The following AKT3 variants were observed in gnomAD, a reference collection of about 807,000 sequenced individuals.
The protein encoded by AKT3 is AKT serine/threonine kinase 3, also known as RAC-gamma serine/threonine-protein kinase.
In AKT3, 15 loss-of-function variants were observed where a neutral mutation model predicts 65.3. The ratio of observed to expected loss-of-function variants is 0.23; its 90% CI spans 0.15 to 0.35. AKT3 has a LOEUF of 0.35. AKT3 is among the 10% of genes least tolerant of loss of function. AKT3 has a pLI of 1.00. For synonymous variants in AKT3, 206 were observed against 183.8 expected (o/e 1.12, Z -0.98); for missense variants, 243 against 576.5 (o/e 0.42, Z 5.92).
intron 2 of AKT3, among the ~76,000 whole-genome samples, chr1:243,836,409 G>A (rs1312457565): frequency 6.6e-6 from 1 of 150,660 alleles, no homozygotes; most frequent in African/African-American, 2.4e-5. Flanking sequence ...GGACTAAAGA[G>A]AGAAACAGAT....
chr1:243,527,067 G>A (rs796135209), intron 12 of AKT3, among the ~76,000 whole-genome samples: 10 of 152,242 alleles, frequency 6.6e-5, no homozygotes, highest in African/African-American at 1.9e-4. Flanking sequence ...ATCTGGGACA[G>A]ATATGAAGAT....
intron 2 of AKT3, among the ~76,000 whole-genome samples, chr1:243,778,032 A>G (rs1455596601): frequency 6.6e-6 from 1 of 151,762 alleles, no homozygotes; most frequent in East Asian, 2.0e-4. Context: ...ACCATCTTTA[A>G]GATTCATTTC....
intron 2 of AKT3, among the ~76,000 whole-genome samples, chr1:243,734,170 A>G (rs1479254838): frequency 2.6e-5 from 4 of 152,200 alleles, no homozygotes; most frequent in Non-Finnish European, 5.9e-5. Context: ...CCAGTAAGTA[A>G]TATTTCATCA....
intron 10 of AKT3, among the ~76,000 whole-genome samples, chr1:243,558,648 T>A (rs1673569998): frequency 6.6e-6 from 1 of 152,240 alleles, no homozygotes; most frequent in South Asian, 2.1e-4. Flanking sequence ...GCAATCTTTG[T>A]TAGTTCTAAC....
At chr1:243,529,739 G>C (rs1671398992) in intron 12 of AKT3, among the ~76,000 whole-genome samples, 1 of 152,078 alleles carries the variant, frequency 6.6e-6, no homozygotes, top group South Asian at 2.1e-4. Flanking sequence ...CTCTGGCTTT[G>C]TTCTTTTTGC....
At position 243,504,819 on chromosome 1, in the gene AKT3, T is replaced by A. The variant is rs1457228187; in HGVS notation, c.*430A>T. On this transcript the variant is annotated 3_prime_UTR_variant, in exon 14 of 14. Transcript: ENST00000673466. ...GAATTTATAAACTAAATCTTCTTAG[T>A]CTAGTTAGTTTTTCTCTTCTAGAAA... 1 of 213,610 alleles carries A rather than the reference T, an allele frequency of 4.7e-6. No individual in the cohort carries two copies. Among genetic ancestry groups the A allele is most frequent in the East Asian group, 7.3e-5 (1 of 13,772 alleles). The allele number at this position is 213,610 out of a possible 1,614,324, so 13.2% of individuals were successfully genotyped here.
chr1:243,562,940 G>A lies in AKT3; in HGVS notation c.948+780C>T, dbSNP rs570813027. Among the ~76,000 whole-genome samples, 3 of 152,200 alleles carry A rather than the reference G, an allele frequency of 2.0e-5. No individual in the cohort carries two copies. The South Asian group carries it at 6.2e-4, about 32-fold the overall frequency. On this transcript the variant is annotated intron_variant, in intron 10 of 13. Transcript: ENST00000673466. ...GTTTTCCACTGCTAAGTATTAGGGTGGTTTGTTACACAGCATTAGTAACTG... is the reference window on the plus strand; with the variant it reads ...GTTTTCCACTGCTAAGTATTAGGGTAGTTTGTTACACAGCATTAGTAACTG...
At chr1:243,509,979 G>C (rs1669917251) in intron 13 of AKT3, among the ~76,000 whole-genome samples, 1 of 152,146 alleles carries the variant, frequency 6.6e-6, no homozygotes, top group South Asian at 2.1e-4. Flanking sequence ...GTCCCAAATT[G>C]GGATTTCACT....
intron 2 of AKT3, among the ~76,000 whole-genome samples, chr1:243,804,617 C>T (rs917877865): frequency 2.6e-5 from 4 of 152,202 alleles, no homozygotes; most frequent in East Asian, 1.9e-4. Context: ...GAGGCCGAGG[C>T]GGATGGATCA....
chr1:243,652,848 A>G (rs1040208987), intron 4 of AKT3, among the ~76,000 whole-genome samples: 7 of 151,526 alleles, frequency 4.6e-5, no homozygotes, highest in East Asian at 1.9e-4. Flanking sequence ...AACAAAGATC[A>G]TAAGAGACAA....
chr1:243,742,180 A>G (rs1296429262), intron 2 of AKT3, among the ~76,000 whole-genome samples: 7 of 152,198 alleles, frequency 4.6e-5, no homozygotes, highest in African/African-American at 1.7e-4. Flanking sequence ...ACCTAGAACC[A>G]ATCCCCTGTG....
At position 243,566,999 on chromosome 1, in the gene AKT3, G is replaced by A. The variant is rs989711379; in HGVS notation, c.820-3151C>T. On this transcript the variant is annotated intron_variant, in intron 9 of 13. Coordinates refer to ENST00000673466, the MANE Select transcript of AKT3 (RefSeq NM_005465.7). ...ATTTATTTTAAGTAACAAAACACAG[G>A]CTAGGCACAGTGGCTCATGCCTGTA... Among the ~76,000 whole-genome samples the A allele has an allele frequency of 1.2e-4, 19 of 152,238 alleles. No individual in the cohort carries two copies. The East Asian group carries it at 3.5e-3, about 28-fold the overall frequency.
chr1:243,800,287 C>T (rs964681797), intron 2 of AKT3, among the ~76,000 whole-genome samples: 1 of 152,210 alleles, frequency 6.6e-6, no homozygotes, highest in Non-Finnish European at 1.5e-5. Flanking sequence ...CAGTGCCAAC[C>T]TTACAGGGCT....
At chr1:243,560,201 C>G (rs776723260) in intron 10 of AKT3, among the ~76,000 whole-genome samples, 1 of 152,044 alleles carries the variant, frequency 6.6e-6, no homozygotes, top group Non-Finnish European at 1.5e-5. Context: ...CAGTTATTTT[C>G]TTGCACAGTA....
chr1:243,593,974 T>C (rs1676422626), intron 8 of AKT3, among the ~76,000 whole-genome samples: 1 of 152,102 alleles, frequency 6.6e-6, no homozygotes, highest in Non-Finnish European at 1.5e-5. Context: ...CAGACAAATA[T>C]ATACATGCCA....
At chr1:243,825,029 A>G (rs1002450272) in intron 2 of AKT3, among the ~76,000 whole-genome samples, 1 of 152,226 alleles carries the variant, frequency 6.6e-6, no homozygotes, top group Non-Finnish European at 1.5e-5. Context: ...TAGACTGAAT[A>G]AAGAAAATGT....
At chr1:243,607,420 G>A (rs1440991132) in intron 8 of AKT3, among the ~76,000 whole-genome samples, 1 of 152,196 alleles carries the variant, frequency 6.6e-6, no homozygotes, top group African/African-American at 2.4e-5. Context: ...GAACTTTAAG[G>A]TTTAATGACT....
At chr1:243,520,839 A>C (rs1432373074) in intron 12 of AKT3, among the ~76,000 whole-genome samples, 1 of 152,184 alleles carries the variant, frequency 6.6e-6, no homozygotes, top group Non-Finnish European at 1.5e-5. Flanking sequence ...AATTCTTTCC[A>C]CACTGATCTT....
At chr1:243,660,284 TTC>T (rs775099793) in intron 4 of AKT3, among the ~76,000 whole-genome samples, 2 of 152,194 alleles carry the variant, frequency 1.3e-5, no homozygotes, top group Non-Finnish European at 2.9e-5. Flanking sequence ...GTTTGTAGTA[TTC>T]TCTGAGGGTA....
Sources: allele counts gnomAD v4.1 joint callset (sites outside exome capture counted in the v4.1 genomes callset), GRCh38; gene constraint gnomAD v4.1.1; transcripts MANE v1.5; gene names NCBI Gene and HGNC (gene_info 2026-07-23, HGNC 2026-07-21).